The following DUS2 variants were observed in gnomAD, a reference collection of about 807,000 sequenced individuals.
DUS2 encodes tRNA-dihydrouridine(20) synthase [NAD(P)+]-like.
A neutral mutation model predicts 71.3 loss-of-function variants in DUS2; 52 were observed. The ratio of observed to expected loss-of-function variants is 0.73; its 90% CI spans 0.58 to 0.92. The LOEUF (loss-of-function observed/expected upper bound fraction) is 0.92, where lower values mean the gene tolerates loss of function less well. Among genes scored for constraint, DUS2 ranks in the 40% least tolerant of loss-of-function variants. The probability of loss-of-function intolerance (pLI) is 0.00; values close to 1 mark genes in which losing one functional copy is unlikely to be tolerated. For missense variants in DUS2, 558 were observed against 622.6 expected (o/e 0.90, Z 1.10); for synonymous variants, 204 against 227.8 (o/e 0.90, Z 0.94).
intron 3 of DUS2, among the ~76,000 whole-genome samples, chr16:68,047,048 C>A (rs1226923862): frequency 7.2e-6 from 1 of 139,536 alleles, no homozygotes; most frequent in Admixed American, 7.2e-5. Context: ...CCATGCCCGG[C>A]CTTTTTTTTT....
At chr16:68,047,557 C>T (rs546026354) in intron 3 of DUS2, among the ~76,000 whole-genome samples, 197 of 151,978 alleles carry the variant, frequency 1.3e-3, no homozygotes, top group Non-Finnish European at 2.3e-3. Context: ...AATCTCGGCT[C>T]ACTGCAACCT....
intron 5 of DUS2, among the ~76,000 whole-genome samples, chr16:68,054,187 A>G (rs1051831819): frequency 1.5e-4 from 23 of 152,312 alleles, no homozygotes; most frequent in African/African-American, 5.5e-4. Context: ...ATCTAGCAAA[A>G]TGTTAATTGT....
intron 3 of DUS2, among the ~76,000 whole-genome samples, chr16:68,039,792 C>A (rs1429019163): frequency 1.3e-5 from 2 of 151,762 alleles, no homozygotes; most frequent in Non-Finnish European, 2.9e-5. Context: ...GAAAATTAGA[C>A]CCCTGGAGGA....
intron 3 of DUS2, among the ~76,000 whole-genome samples, chr16:68,040,371 C>T (rs934557693): frequency 3.9e-5 from 6 of 152,168 alleles, no homozygotes; most frequent in African/African-American, 1.4e-4. Flanking sequence ...GTGTGAGACA[C>T]TGCACCCGGC....
intron 2 of DUS2, among the ~76,000 whole-genome samples, chr16:68,032,816 AG>A (rs1285723363): frequency 2.1e-5 from 3 of 140,924 alleles, no homozygotes; most frequent in Middle Eastern, 7.4e-3. Flanking sequence ...CGGGAGGCTG[AG>A]GCAGGAGGCT....
chr16:68,071,181 G>T, intron 12 of DUS2, 73 bp downstream of exon 12: 1 of 1,540,906 alleles, frequency 6.5e-7, no homozygotes. Flanking sequence ...CACTTTGTGT[G>T]AGCCCCCAGC....
chr16:68,069,132 G>T (rs2034049910), intron 10 of DUS2, among the ~76,000 whole-genome samples: 1 of 151,928 alleles, frequency 6.6e-6, no homozygotes, highest in African/African-American at 2.4e-5. Flanking sequence ...CTAACGCCTA[G>T]AATCCCACCA....
At chr16:68,077,441 G>A (rs567920631) in intron 15 of DUS2, 15 of 152,226 alleles carry the variant, frequency 9.9e-5, no homozygotes, top group Admixed American at 7.9e-4. Context: ...AGGCTGCAGT[G>A]CAGTGGCATG....
intron 2 of DUS2, among the ~76,000 whole-genome samples, chr16:68,030,009 G>A (rs535199535): frequency 6.6e-6 from 1 of 151,448 alleles, no homozygotes; most frequent in Admixed American, 6.6e-5. Flanking sequence ...GCCTCCCAAA[G>A]TGCTGGGATT....
intron 5 of DUS2, among the ~76,000 whole-genome samples, chr16:68,054,240 C>T (rs1324205192): frequency 6.6e-6 from 1 of 152,064 alleles, no homozygotes; most frequent in East Asian, 1.9e-4. Context: ...TATAAGTTAA[C>T]AATGGGTAAC....
chr16:68,037,465 G>A (rs545929949), intron 2 of DUS2, among the ~76,000 whole-genome samples: 2 of 150,036 alleles, frequency 1.3e-5, no homozygotes, highest in East Asian at 2.0e-4. Flanking sequence ...TTGCCCAGGC[G>A]GGGGTACAAT....
chr16:68,031,551 G>T (rs1397541824), intron 2 of DUS2, among the ~76,000 whole-genome samples: 1 of 152,032 alleles, frequency 6.6e-6, no homozygotes, highest in Non-Finnish European at 1.5e-5. Flanking sequence ...AGATGTACTT[G>T]TGGCTTGCCC....
In DUS2 at chr16:68,075,459, C is replaced by T. The variant is rs1158672616; in HGVS notation, c.1037C>T (p.Ala346Val). ...ACTTCAGAGCAGACAGGGGAGCCAG[C>T]TGAAGATACCTCTGGTGTCATTAAG... is the stretch of plus-strand genomic sequence containing the variant. The part of the protein sequence containing the change: ...AKTSEQTGEP[A>V]EDTSGVIKMA... The change falls in exon 14 of 17, where the codon GCT becomes GTT. Residue 346 changes from alanine (A) to valine (V), a missense_variant. By Grantham distance (64) the Ala-to-Val change is moderately conservative. Transcript: ENST00000565263. 1 of 1,613,798 alleles carries T rather than the reference C, an allele frequency of 6.2e-7. No individual in the cohort carries two copies. The highest frequency in any genetic ancestry group is 2.2e-5 in the East Asian group (1 of 44,890).
At chr16:68,031,876 G>A (rs1341902545) in intron 2 of DUS2, among the ~76,000 whole-genome samples, 1 of 151,932 alleles carries the variant, frequency 6.6e-6, no homozygotes, top group Non-Finnish European at 1.5e-5. Flanking sequence ...TTTATTTTTA[G>A]TAGAGACAGG....
intron 2 of DUS2, among the ~76,000 whole-genome samples, chr16:68,025,786 G>C (rs1316527950): frequency 1.3e-5 from 2 of 152,080 alleles, no homozygotes; most frequent in East Asian, 1.9e-4. Flanking sequence ...AATAGGAAAG[G>C]TATCCTTATT....
intron 3 of DUS2, among the ~76,000 whole-genome samples, chr16:68,041,811 A>C (rs1470188051): frequency 1.5e-5 from 2 of 136,312 alleles, no homozygotes; most frequent in Non-Finnish European, 3.2e-5. Flanking sequence ...ACTCTGTGTC[A>C]AAAAAAAAAA....
intron 7 of DUS2, among the ~76,000 whole-genome samples, chr16:68,059,527 T>C (rs1441038904): frequency 1.3e-5 from 2 of 152,300 alleles, no homozygotes; most frequent in Middle Eastern, 3.4e-3. Context: ...GTTTCTTTTA[T>C]GACCAATGTA....
At chr16:68,065,377 C>CT (rs111782057) in intron 8 of DUS2, among the ~76,000 whole-genome samples, 6,969 of 140,370 alleles carry the variant, frequency 0.05, 442 homozygotes, top group African/African-American at 0.15. Flanking sequence ...TGCCCCCCCG[C>CT]TTTTTTTTTT....
chr16:68,049,048 G>A (rs1567474643), intron 3 of DUS2, among the ~76,000 whole-genome samples: 1 of 152,010 alleles, frequency 6.6e-6, no homozygotes, highest in Non-Finnish European at 1.5e-5. Context: ...TTTCTTTCCT[G>A]TGTTCATCTC....
Sources: gnomAD v4.1 joint callset for allele counts (sites outside exome capture counted in the v4.1 genomes callset) on GRCh38, gnomAD v4.1.1 for gene constraint, MANE v1.5 for transcripts, NCBI Gene and HGNC (gene_info 2026-07-23, HGNC 2026-07-21) for gene names.